The following NAV3 variants were observed in gnomAD, a reference collection of about 807,000 sequenced individuals.
The protein encoded by NAV3 is neuron navigator 3.
A neutral mutation model predicts 244.7 loss-of-function variants in NAV3; 87 were observed. That is an observed-to-expected ratio of 0.36 (90% confidence interval 0.30 to 0.42). The LOEUF (loss-of-function observed/expected upper bound fraction) is 0.42. NAV3 is among the 20% of genes least tolerant of loss of function. NAV3 has a pLI of 1.00. For missense variants in NAV3, 2,663 were observed against 2,893.3 expected, an observed-to-expected ratio of 0.92 and a Z score of 1.83; for synonymous variants, 1,126 against 1,042.2, an observed-to-expected ratio of 1.08 and a Z score of -1.55.
chr12:77,705,055 T>C (rs954733466), intron 2 of NAV3, among the ~76,000 whole-genome samples: 1 of 152,214 alleles, frequency 6.6e-6, no homozygotes, highest in African/African-American at 2.4e-5. Flanking sequence ...TCTGAGAGAA[T>C]ATGTCTTTGT....
chr12:78,188,767 G>A lies in NAV3; in HGVS notation c.6045G>A (p.Val2015=). Residue 2015 remains valine, a synonymous_variant, in exon 33 of 40, where the codon GTG becomes GTA. Coordinates refer to ENST00000397909, the MANE Select transcript of NAV3 (RefSeq NM_001024383.2). ...YLVGDNNIIT[V]NLKGVEENSL... is the part of the protein sequence containing the mutation. ...TTGGAGATAATAACATCATCACTGTGAACCTCAAAGGTAAAAGCAATAATG... is the reference window on the plus strand; with the variant it reads ...TTGGAGATAATAACATCATCACTGTAAACCTCAAAGGTAAAAGCAATAATG... 1 of 1,611,230 alleles carries A rather than the reference G, an allele frequency of 6.2e-7. No individual in the cohort carries two copies. Among genetic ancestry groups the A allele is most frequent in the Non-Finnish European group, 8.5e-7 (1 of 1,178,362 alleles).
chr12:78,176,552 CT>C, intron 26 of NAV3, 93 bp downstream of exon 26: 1 of 1,127,096 alleles, frequency 8.9e-7, no homozygotes, highest in Non-Finnish European at 1.3e-6. Flanking sequence ...GCTTTTATAC[CT>C]TTTAAAACAG....
At chr12:78,151,755 T>C (rs1300836913) in intron 22 of NAV3, among the ~76,000 whole-genome samples, 1 of 151,700 alleles carries the variant, frequency 6.6e-6, no homozygotes, top group Non-Finnish European at 1.5e-5. Context: ...ATTGTATTCC[T>C]GGCTTTGATA....
chr12:77,888,498 TTAAA>T lies in NAV3; in HGVS notation c.244-51817_244-51814del, dbSNP rs564257172. Among the ~76,000 whole-genome samples, 598 of 152,220 alleles carry T rather than the reference TTAAA, an allele frequency of 3.9e-3. 10 individuals carry two copies. The South Asian group carries it at 0.044, about 11-fold the overall frequency. On this transcript the variant is annotated intron_variant, in intron 1 of 39. Transcript: ENST00000397909. ...TTTTAAAAATTAACCAATTAAATAA[TTAAA>T]TAATTTCTGCAGTGAGCTTAATGGC... is the stretch of plus-strand genomic sequence containing the variant.
chr12:78,075,416 GA>G (rs1025214616), intron 12 of NAV3, among the ~76,000 whole-genome samples: 2 of 150,740 alleles, frequency 1.3e-5, no homozygotes, highest in African/African-American at 2.4e-5. Context: ...ACCGACTTGA[GA>G]AAAAAAAAGT....
chr12:78,063,896 G>A (rs1250857862), intron 12 of NAV3, among the ~76,000 whole-genome samples: 1 of 152,110 alleles, frequency 6.6e-6, no homozygotes, highest in African/African-American at 2.4e-5. Flanking sequence ...GGACCTGGGG[G>A]CCATACTAGG....
Position 78,122,437 on chromosome 12 carries a change from T to C in NAV3, c.4238+9T>C. On this transcript the variant is annotated intron_variant, in intron 16 of 39. Coordinates refer to ENST00000397909, the MANE Select transcript of NAV3 (RefSeq NM_001024383.2). ...TCTACTCTCTCAGAAAGGTGAGCTTTCCTGGAGGCATTGATAACATCTTCC... is the reference window on the plus strand; with the variant it reads ...TCTACTCTCTCAGAAAGGTGAGCTTCCCTGGAGGCATTGATAACATCTTCC... The C allele has an allele frequency of 8.3e-6, 13 of 1,572,286 alleles. No homozygotes were observed. The South Asian group carries it at 1.4e-4, about 17-fold the overall frequency.
intron 18 of NAV3, among the ~76,000 whole-genome samples, chr12:78,135,706 A>G (rs1346714696): frequency 2.0e-5 from 3 of 152,160 alleles, no homozygotes; most frequent in Non-Finnish European, 4.4e-5. Flanking sequence ...TCAATGTCCT[A>G]CAGTGTACCT....
intron 2 of NAV3, among the ~76,000 whole-genome samples, chr12:77,755,581 T>TCCTTTCCTTCCCTC (rs1565800350): frequency 2.4e-4 from 2 of 8,408 alleles, no homozygotes; most frequent in Non-Finnish European, 2.1e-4. Context: ...TCCTTTCCTT[T>TCCTTTCCTTCCCTC]CCTCCCTCCC....
rs140932024 is a variant in NAV3 at position 77,693,036 on chromosome 12, C to T, written c.72+120770C>T. ...GGGAACATTCCTATTAGGGAAGCAGCGTGTATAAAAGCCCTCCAAAAAATA... is the reference window on the plus strand; with the variant it reads ...GGGAACATTCCTATTAGGGAAGCAGTGTGTATAAAAGCCCTCCAAAAAATA... On this transcript the variant is annotated intron_variant, in intron 2 of 8. Coordinates refer to the NAV3 transcript ENST00000550042. Among the ~76,000 whole-genome samples, 1,314 of 152,042 alleles carry T rather than the reference C, an allele frequency of 8.6e-3. 6 individuals are homozygous for T. Among genetic ancestry groups the T allele is most frequent in the Middle Eastern group, 0.017 (5 of 294 alleles).
intron 2 of NAV3, among the ~76,000 whole-genome samples, chr12:77,627,246 C>T (rs1471119366): frequency 6.6e-6 from 1 of 152,116 alleles, no homozygotes; most frequent in African/African-American, 2.4e-5. Context: ...ACTATAGTTA[C>T]ATCAGACAAA....
intron 2 of NAV3, among the ~76,000 whole-genome samples, chr12:77,692,945 A>G (rs1031794413): frequency 6.6e-6 from 1 of 152,156 alleles, no homozygotes; most frequent in African/African-American, 2.4e-5. Flanking sequence ...GCTTCCCTAA[A>G]CAAGTTATGT....
chr12:78,009,450 A>AC (rs1227271173), intron 8 of NAV3, among the ~76,000 whole-genome samples: 4 of 126,592 alleles, frequency 3.2e-5, no homozygotes, highest in African/African-American at 1.5e-4. Context: ...AAACTCAAAA[A>AC]AAAAAAAAAA....
intron 2 of NAV3, among the ~76,000 whole-genome samples, chr12:77,704,517 A>G (rs925309600): frequency 1.3e-5 from 2 of 152,192 alleles, no homozygotes; most frequent in African/African-American, 4.8e-5. Flanking sequence ...CAATCCAGCA[A>G]TTGTTGCAGA....
intron 23 of NAV3, among the ~76,000 whole-genome samples, chr12:78,167,962 G>A (rs941369768): frequency 1.5e-4 from 23 of 151,072 alleles, no homozygotes; most frequent in East Asian, 1.9e-4. Flanking sequence ...GTTCAAATTT[G>A]TGCAAATATT....
chr12:77,973,790 C>T (rs950705094), intron 5 of NAV3, among the ~76,000 whole-genome samples: 16 of 151,950 alleles, frequency 1.1e-4, no homozygotes, highest in African/African-American at 3.4e-4. Flanking sequence ...GTAATTTAAG[C>T]CCTTGTGAAC....
In NAV3 at chr12:77,574,144, G is replaced by A. The variant is rs535539613; in HGVS notation, c.72+1878G>A. On this transcript the variant is annotated intron_variant, in intron 2 of 8. Coordinates refer to the NAV3 transcript ENST00000550042. ...CTCACTATAGCCTCGCCTTCTCATC[G>A]GTAAAGGAATGGAAGAGGAATGAAT... Among the ~76,000 whole-genome samples the A allele has an allele frequency of 2.8e-4, 43 of 152,172 alleles. 1 individual carries two copies. Among genetic ancestry groups the A allele is most frequent in the Admixed American group, 1.5e-3 (23 of 15,266 alleles).
At chr12:78,129,204 C>T (rs949513830) in intron 18 of NAV3, among the ~76,000 whole-genome samples, 1 of 152,130 alleles carries the variant, frequency 6.6e-6, no homozygotes, top group African/African-American at 2.4e-5. Context: ...GACTTTAATC[C>T]CAGGGGCCTT....
At chr12:78,110,783 TA>T (rs1955053617) in intron 12 of NAV3, among the ~76,000 whole-genome samples, 1 of 152,034 alleles carries the variant, frequency 6.6e-6, no homozygotes, top group East Asian at 1.9e-4. Flanking sequence ...TCCATTCCAT[TA>T]TACATATTCC....
Sources: gnomAD v4.1 joint callset for allele counts (sites outside exome capture counted in the v4.1 genomes callset) on GRCh38, gnomAD v4.1.1 for gene constraint, MANE v1.5 for transcripts, NCBI Gene and HGNC (gene_info 2026-07-23, HGNC 2026-07-21) for gene names.